Variants in NMT1 observed in about 807,000 individuals in gnomAD.
The protein encoded by NMT1 is N-myristoyltransferase 1, also known as glycylpeptide N-tetradecanoyltransferase 1.
NMT1 carries 12 observed loss-of-function variants against 63.4 expected under a neutral mutation model. The observed-to-expected ratio is 0.19, with a 90% CI of 0.12 to 0.31. NMT1 has a LOEUF of 0.31. Among genes scored for constraint, NMT1 ranks in the 10% least tolerant of loss-of-function variants. NMT1 has a pLI of 1.00. For synonymous variants in NMT1, 228 were observed against 234.3 expected (o/e 0.97, Z 0.25); for missense variants, 432 against 634.6 (o/e 0.68, Z 3.43).
intron 8 of NMT1, among the ~76,000 whole-genome samples, chr17:45,102,356 C>T (rs2054172040): frequency 6.6e-6 from 1 of 152,234 alleles, no homozygotes. Flanking sequence ...GCAAAAGCAG[C>T]TGCCGGGTGG....
intron 1 of NMT1, chr17:45,071,501 T>G (rs1029329071): frequency 6.6e-6 from 1 of 152,214 alleles, no homozygotes; most frequent in Non-Finnish European, 1.5e-5. Flanking sequence ...ATAGATTTCT[T>G]TGTTCCTTTT....
chr17:45,072,182 G>C (rs1384308321), intron 1 of NMT1, among the ~76,000 whole-genome samples: 1 of 151,214 alleles, frequency 6.6e-6, no homozygotes. Flanking sequence ...AACCTGGGAG[G>C]TTGAGGCTGC....
intron 3 of NMT1, among the ~76,000 whole-genome samples, chr17:45,087,188 A>C (rs574971064): frequency 3.9e-4 from 53 of 135,638 alleles, no homozygotes; most frequent in African/African-American, 9.8e-4. Flanking sequence ...CAAAAAACCC[A>C]AAAAAAAAAC....
At chr17:45,079,099 TTTTTC>T (rs1214880562) in intron 1 of NMT1, among the ~76,000 whole-genome samples, 3 of 150,568 alleles carry the variant, frequency 2.0e-5, no homozygotes, top group African/African-American at 7.3e-5. Flanking sequence ...TTTTCTTTTC[TTTTTC>T]TTTTTTTTTT....
At position 45,103,199 on chromosome 17, in the gene NMT1, C is replaced by T; in HGVS notation, c.1164+78C>T. 7.1e-7 allele frequency: 1 copy of T among 1,417,134 alleles called. No homozygotes were observed. Among genetic ancestry groups the T allele is most frequent in the Non-Finnish European group, 9.8e-7 (1 of 1,023,668 alleles). 87.8% of individuals were successfully genotyped at this position (1,417,134 alleles called of 1,614,324 possible). On this transcript the variant is annotated intron_variant, in intron 9 of 11. Transcript: ENST00000258960. The surrounding 1 kb of genome is among the most constrained non-coding windows in gnomAD (Gnocchi z 4.8). ...CCCCTGAGTGGCCGGGTTCCCAGGGCTCGAGTGTTGGCACCTTAGACTTCC... is the reference window on the plus strand; with the variant it reads ...CCCCTGAGTGGCCGGGTTCCCAGGGTTCGAGTGTTGGCACCTTAGACTTCC...
intron 3 of NMT1, 142 bp downstream of exon 3, chr17:45,086,794 T>A (rs1176599216): frequency 2.5e-6 from 2 of 789,714 alleles, no homozygotes; most frequent in African/African-American, 3.6e-5. Flanking sequence ...CAGAGGGTGG[T>A]TTTTAAAAAT....
At chr17:45,090,817 C>G (rs1490791816) in intron 3 of NMT1, among the ~76,000 whole-genome samples, 2 of 152,080 alleles carry the variant, frequency 1.3e-5, no homozygotes, top group African/African-American at 4.8e-5. Context: ...TTTATTGGTT[C>G]ATGTTGGCCT....
At chr17:45,096,888 T>C (rs993793388) in intron 5 of NMT1, among the ~76,000 whole-genome samples, 1 of 152,226 alleles carries the variant, frequency 6.6e-6, no homozygotes, top group Non-Finnish European at 1.5e-5. Flanking sequence ...GGATCAGGCA[T>C]GAAATCCTCA....
At chr17:45,063,992 C>G (rs2053885297) in intron 1 of NMT1, among the ~76,000 whole-genome samples, 1 of 151,070 alleles carries the variant, frequency 6.6e-6, no homozygotes, top group Non-Finnish European at 1.5e-5. Flanking sequence ...TGAGACCATC[C>G]TGGCTAACAT....
intron 1 of NMT1, among the ~76,000 whole-genome samples, chr17:45,073,347 G>T (rs2053955441): frequency 6.6e-6 from 1 of 152,006 alleles, no homozygotes; most frequent in Non-Finnish European, 1.5e-5. Context: ...GAACCCAGGA[G>T]GCGGAGGTTG....
rs2054140169 is a variant in NMT1 at position 45,098,417 on chromosome 17, T to C, written c.749T>C (p.Val250Ala). ...ATGGTAGAGATCAACTTCCTGTGTGTCCACAAGAAGCTGCGTTCCAAGAGG... is the reference window on the plus strand; with the variant it reads ...ATGGTAGAGATCAACTTCCTGTGTGCCCACAAGAAGCTGCGTTCCAAGAGG... ...KKMVEINFLC[V>A]HKKLRSKRVA... The change falls in exon 7 of 12, where the codon GTC (valine) becomes GCC (alanine). Residue 250 changes from valine (V) to alanine (A), a missense_variant. Around this residue, in one of 4 missense-constraint regions of NMT1, gnomAD observed 295 missense variants for 489.7 expected, o/e 0.60. Transcript: ENST00000258960. 6.2e-7 allele frequency: 1 copy of C among 1,614,062 alleles called. No individual in the cohort carries two copies.
chr17:45,061,477 A>G lies in NMT1; in HGVS notation c.131+17A>G. ...CAACCGGGGGTAACGAAATCCTCGG[A>G]GTCCAATTCCCGTCCAGCCTCCCAC... On this transcript the variant is annotated intron_variant, in intron 1 of 11. Coordinates refer to ENST00000258960, the MANE Select transcript of NMT1 (RefSeq NM_021079.5). 1 of 1,609,336 alleles carries G rather than the reference A, an allele frequency of 6.2e-7. No individual in the cohort carries two copies.
intron 1 of NMT1, among the ~76,000 whole-genome samples, chr17:45,062,917 TA>T (rs1195118254): frequency 6.6e-6 from 1 of 152,064 alleles, no homozygotes; most frequent in Non-Finnish European, 1.5e-5. Context: ...CAGCCGGCAT[TA>T]AAAATCACAG....
intron 3 of NMT1, among the ~76,000 whole-genome samples, chr17:45,090,969 A>C (rs879728593): frequency 1.3e-5 from 2 of 151,982 alleles, no homozygotes; most frequent in African/African-American, 4.8e-5. Flanking sequence ...TGATGCTGGC[A>C]CCACACCGAG....
intron 3 of NMT1, among the ~76,000 whole-genome samples, chr17:45,091,587 A>G (rs1378886484): frequency 6.6e-6 from 1 of 152,234 alleles, no homozygotes; most frequent in African/African-American, 2.4e-5. Context: ...TATAAATTCA[A>G]TACAAGTTGG....
intron 1 of NMT1, among the ~76,000 whole-genome samples, chr17:45,072,727 T>G (rs1013322704): frequency 6.6e-6 from 1 of 151,472 alleles, no homozygotes; most frequent in African/African-American, 2.4e-5. Flanking sequence ...GCCTGCCTAA[T>G]TTTTTGCGTT....
intron 2 of NMT1, among the ~76,000 whole-genome samples, chr17:45,084,326 G>C (rs183129663): frequency 1.5e-5 from 2 of 133,390 alleles, no homozygotes; most frequent in Non-Finnish European, 3.1e-5. Context: ...ATAGATTAAG[G>C]CTTGGTAAAC....
chr17:45,067,167 A>ATTT, intron 1 of NMT1, among the ~76,000 whole-genome samples: 1 of 141,690 alleles, frequency 7.1e-6, no homozygotes, highest in African/African-American at 2.6e-5. Flanking sequence ...GTTTAATTTG[A>ATTT]TTTTTTTTTT....
At chr17:45,096,324 G>A (rs755236333) in intron 5 of NMT1, 39 bp downstream of exon 5, 8 of 1,528,688 alleles carry the variant, frequency 5.2e-6, no homozygotes. Context: ...TTGAGAGGAA[G>A]GCATAGAGCA....
Sources: allele counts gnomAD v4.1 joint callset (sites outside exome capture counted in the v4.1 genomes callset), GRCh38; gene constraint gnomAD v4.1.1; regional missense constraint gnomAD v4.1.1; non-coding constraint Gnocchi (gnomAD v3.1); transcripts MANE v1.5; gene names NCBI Gene and HGNC (gene_info 2026-07-23, HGNC 2026-07-21).